ANKRD42: variants seen among roughly 807,000 people sequenced by gnomAD.
ANKRD42 encodes ankyrin repeat domain 42, also known as ankyrin repeat domain-containing protein 42.
Under a neutral mutation model 51.5 loss-of-function variants are expected in ANKRD42, and 43 were observed. That is an observed-to-expected ratio of 0.83 (90% confidence interval 0.65 to 1.08). The LOEUF is 1.08. Among genes scored for constraint, ANKRD42 ranks in the 50% least tolerant of loss-of-function variants. ANKRD42 has a pLI of 0.00. For synonymous variants in ANKRD42, 203 were observed against 213.0 expected (o/e 0.95, Z 0.41); for missense variants, 608 against 629.3 (o/e 0.97, Z 0.36).
At chr11:83,219,801 C>T (rs1390912822) in intron 5 of ANKRD42, among the ~76,000 whole-genome samples, 5 of 152,158 alleles carry the variant, frequency 3.3e-5, no homozygotes, top group African/African-American at 1.2e-4. Flanking sequence ...TGAAAATTAC[C>T]TGTCTTTAAA....
chr11:83,225,768 G>C (rs1457553171), intron 6 of ANKRD42, among the ~76,000 whole-genome samples: 1 of 107,150 alleles, frequency 9.3e-6, no homozygotes, highest in African/African-American at 3.5e-5. Context: ...CAGCAAGAGC[G>C]AAACTCCATC....
chr11:83,231,202 C>T (rs1863060582), intron 7 of ANKRD42, among the ~76,000 whole-genome samples: 1 of 152,194 alleles, frequency 6.6e-6, no homozygotes, highest in South Asian at 2.1e-4. Flanking sequence ...CCCTTTTCTC[C>T]ACATCCTCAC....
intron 2 of ANKRD42, among the ~76,000 whole-genome samples, chr11:83,201,532 T>C (rs896018332): frequency 6.6e-6 from 1 of 152,246 alleles, no homozygotes; most frequent in African/African-American, 2.4e-5. Context: ...CCAGGATTGC[T>C]GGGTCAAATG....
chr11:83,230,355 T>C (rs1277891240), intron 7 of ANKRD42, among the ~76,000 whole-genome samples: 1 of 152,282 alleles, frequency 6.6e-6, no homozygotes, highest in South Asian at 2.1e-4. Context: ...TCCAGTCCCA[T>C]GCTTTCTATT....
downstream of ANKRD42, among the ~76,000 whole-genome samples, chr11:83,249,385 G>T (rs749922934): frequency 7.9e-5 from 12 of 151,834 alleles, no homozygotes; most frequent in South Asian, 2.1e-4. Flanking sequence ...TAGTTTTTTT[G>T]TTTGTTTGTT....
chr11:83,204,334 A>C (rs1861986992), intron 2 of ANKRD42, among the ~76,000 whole-genome samples: 1 of 152,234 alleles, frequency 6.6e-6, no homozygotes, highest in South Asian at 2.1e-4. Flanking sequence ...ACACATATTC[A>C]TATGTAAGAA....
chr11:83,245,707 C>G, intron 10 of ANKRD42, 83 bp downstream of exon 10: 2 of 1,409,190 alleles, frequency 1.4e-6, no homozygotes, highest in Non-Finnish European at 9.4e-7. Context: ...GCAACTTTTA[C>G]TTTCATCTTG....
intron 6 of ANKRD42, among the ~76,000 whole-genome samples, chr11:83,225,744 C>A (rs1341123154): frequency 7.6e-6 from 1 of 132,078 alleles, no homozygotes; most frequent in Non-Finnish European, 1.5e-5. Flanking sequence ...CATGCAATTG[C>A]ACTCCATCCT....
Position 83,198,629 on chromosome 11 carries a change from C to G in ANKRD42, c.209C>G (p.Ser70Cys). 1 of 1,596,012 alleles carries G rather than the reference C, an allele frequency of 6.3e-7. No individual in the cohort carries two copies. The highest frequency in any genetic ancestry group is 8.5e-7 in the Non-Finnish European group (1 of 1,170,896). Residue 70 changes from serine (S) to cysteine (C), a missense_variant, in exon 2 of 11, where the codon TCT becomes TGT. Ser to Cys is a moderately radical substitution (Grantham distance 112, BLOSUM62 -1). Transcript: ENST00000533342. ...KFTPLHWAAHSGSLECLHWLL... is the reference protein window; with the variant it reads ...KFTPLHWAAHCGSLECLHWLL... ...ACCCCTTTACATTGGGCAGCACATT[C>G]TGGAAGTTTGGAGGTAAGAAACTAT...
At chr11:83,238,981 C>G (rs1236221902) in intron 8 of ANKRD42, among the ~76,000 whole-genome samples, 1 of 148,410 alleles carries the variant, frequency 6.7e-6, no homozygotes, top group African/African-American at 2.5e-5. Context: ...AGCACTCCAA[C>G]CTAGGCGACT....
intron 9 of ANKRD42, among the ~76,000 whole-genome samples, chr11:83,243,663 T>G (rs502866): frequency 0.72 from 108,303 of 149,716 alleles, 39,895 homozygotes; most frequent in Middle Eastern, 0.84. Flanking sequence ...ATGTATGTAT[T>G]TATTTATTTA....
chr11:83,259,274 A>G (rs1174907240), downstream of ANKRD42: 2 of 152,294 alleles, frequency 1.3e-5, no homozygotes, highest in African/African-American at 4.8e-5. Context: ...CAATCCTCTC[A>G]TCCTTATTTC....
intron 7 of ANKRD42, among the ~76,000 whole-genome samples, chr11:83,229,700 C>G (rs1325914475): frequency 6.6e-6 from 1 of 152,024 alleles, no homozygotes; most frequent in Non-Finnish European, 1.5e-5. Context: ...TGATGAGGAG[C>G]CAAAAGAGTT....
At chr11:83,222,969 G>A (rs12289739) in intron 5 of ANKRD42, among the ~76,000 whole-genome samples, 6,001 of 152,238 alleles carry the variant, frequency 0.039, 395 homozygotes, top group African/African-American at 0.14. Flanking sequence ...ATCATTTTGA[G>A]CTGGGCATGG....
downstream of ANKRD42, chr11:83,257,165 CTT>C (rs146020948): frequency 0.027 from 9,396 of 351,658 alleles, 294 homozygotes; most frequent in South Asian, 0.078. Flanking sequence ...CAAATGCACT[CTT>C]GTCAGGGCAA....
At chr11:83,250,287 C>T (rs756014020), downstream of ANKRD42, among the ~76,000 whole-genome samples, 17 of 152,164 alleles carry the variant, frequency 1.1e-4, 1 homozygote, top group Middle Eastern at 6.8e-3. Flanking sequence ...AAAAATTATT[C>T]GAATAGTTTC....
At chr11:83,217,980 T>TATTA (rs1862593508) in intron 5 of ANKRD42, among the ~76,000 whole-genome samples, 1 of 152,220 alleles carries the variant, frequency 6.6e-6, no homozygotes, top group Non-Finnish European at 1.5e-5. Context: ...GGTTTAGTAA[T>TATTA]GCCTCCAAAT....
At chr11:83,203,010 A>G (rs1436240564) in intron 2 of ANKRD42, among the ~76,000 whole-genome samples, 1 of 120,530 alleles carries the variant, frequency 8.3e-6, no homozygotes, top group African/African-American at 3.2e-5. Context: ...TTTTTTTTTC[A>G]GACAGGGTAT....
rs370480134 is a variant in ANKRD42 at position 83,205,351 on chromosome 11, A to G, written c.223-707A>G. Among the ~76,000 whole-genome samples the G allele has an allele frequency of 1.2e-4, 18 of 152,200 alleles. 1 individual carries two copies. The highest frequency in any genetic ancestry group is 1.2e-3 in the East Asian group (6 of 5,202). ...CATTAGTCTCTGCTGCAGGAAAATG[A>G]TATTTACTTGATAAGCCTTTTAAAC... is the stretch of plus-strand genomic sequence containing the variant. On this transcript the variant is annotated intron_variant, in intron 2 of 10. Coordinates refer to ENST00000533342, the MANE Select transcript of ANKRD42 (RefSeq NM_001300975.2).
Sources: gnomAD v4.1 joint callset for allele counts (sites outside exome capture counted in the v4.1 genomes callset) on GRCh38, gnomAD v4.1.1 for gene constraint, MANE v1.5 for transcripts, NCBI Gene and HGNC (gene_info 2026-07-23, HGNC 2026-07-21) for gene names.